Variants in POLR3B observed in about 807,000 individuals in gnomAD.
POLR3B encodes the protein DNA-directed RNA polymerase III subunit RPC2.
POLR3B carries 96 observed loss-of-function variants against 147.4 expected under a neutral mutation model. The ratio of observed to expected loss-of-function variants is 0.65; its 90% CI spans 0.55 to 0.77. The LOEUF is 0.77. Among genes scored for constraint, POLR3B ranks in the 30% least tolerant of loss-of-function variants. The pLI is 0.00. For missense variants in POLR3B, 1,036 were observed against 1,413.5 expected (o/e 0.73, Z 4.28); for synonymous variants, 461 against 485.9 (o/e 0.95, Z 0.67).
chr12:106,478,507 C>CT (rs950171693), intron 23 of POLR3B, among the ~76,000 whole-genome samples: 16 of 149,180 alleles, frequency 1.1e-4, no homozygotes, highest in Admixed American at 6.7e-5. Context: ...TGTCTTGCTA[C>CT]TTTTTTTTTT....
At chr12:106,466,075 T>TA (rs1408879427) in intron 23 of POLR3B, among the ~76,000 whole-genome samples, 4 of 152,208 alleles carry the variant, frequency 2.6e-5, no homozygotes, top group Non-Finnish European at 5.9e-5. Context: ...ACCAACAGTG[T>TA]AAAAGTGTTC....
chr12:106,414,105 C>A lies in POLR3B; in HGVS notation c.1101+3145C>A, dbSNP rs60745173. Among the ~76,000 whole-genome samples the A allele has an allele frequency of 9.6e-5, 8 of 83,706 alleles. No individual in the cohort carries two copies. In the South Asian group the frequency reaches 2.0e-3, roughly 21 times the overall value. 54.9% of individuals were successfully genotyped at this position (83,706 alleles called of 152,430 possible). A position where few individuals can be genotyped will look rare whatever the true frequency, so the allele number is the denominator to read the frequency against. Reference sequence around the variant, plus strand: ...ATTTTAGCATCTAGAATCTAATATGCCATTAATTATCAGGTGGACCACTAT... The same window carrying A: ...ATTTTAGCATCTAGAATCTAATATGACATTAATTATCAGGTGGACCACTAT... On this transcript the variant is annotated intron_variant, in intron 12 of 27. Transcript: ENST00000228347.
At chr12:106,460,755 CT>C (rs2037922411) in intron 22 of POLR3B, among the ~76,000 whole-genome samples, 1 of 152,144 alleles carries the variant, frequency 6.6e-6, no homozygotes. Context: ...TTTCAGAGAC[CT>C]TTTTCTGTCA....
At chr12:106,372,022 G>T (rs973749598) in intron 6 of POLR3B, among the ~76,000 whole-genome samples, 30 of 152,202 alleles carry the variant, frequency 2.0e-4, no homozygotes, top group South Asian at 1.9e-3. Context: ...ACTATGATAG[G>T]CAATGTTGTT....
chr12:106,459,031 G>A (rs1423986210), intron 21 of POLR3B, among the ~76,000 whole-genome samples: 1 of 149,924 alleles, frequency 6.7e-6, no homozygotes. Flanking sequence ...TATGATGTGT[G>A]TGTGTGTGTG....
intron 12 of POLR3B, among the ~76,000 whole-genome samples, chr12:106,417,079 A>G (rs3851633): frequency 6.6e-5 from 10 of 152,180 alleles, no homozygotes; most frequent in African/African-American, 2.4e-4. Context: ...CTAAATTAAC[A>G]TGTAATTCTT....
rs560419731 is a variant in POLR3B, at chr12:106,497,083, C to T, written c.2984+165C>T. Among the ~76,000 whole-genome samples, 9 of 148,820 alleles carry T rather than the reference C, an allele frequency of 6.0e-5. No individual in the cohort carries two copies. In the East Asian group the frequency reaches 1.2e-3, roughly 21 times the overall value. ...CTTCGAATGCGGTCTGACACAAATT[C>T]GTAAACTTTTTTTAAAAACATTATG... is the stretch of plus-strand genomic sequence containing the variant. On this transcript the variant is annotated intron_variant, in intron 25 of 27. Transcript: ENST00000228347.
intron 23 of POLR3B, among the ~76,000 whole-genome samples, chr12:106,484,792 G>T (rs1592768720): frequency 6.6e-6 from 1 of 152,058 alleles, no homozygotes; most frequent in African/African-American, 2.4e-5. Context: ...GCAAAAGTCT[G>T]GGAGGATTTA....
intron 6 of POLR3B, 88 bp from the exon 7 acceptor site, chr12:106,376,271 G>A (rs2036677206): frequency 7.3e-6 from 6 of 822,858 alleles, no homozygotes; most frequent in South Asian, 4.1e-5. Context: ...CCTTAGTGAG[G>A]TGGTGTGCAC....
intron 2 of POLR3B, among the ~76,000 whole-genome samples, chr12:106,364,804 G>A (rs756005048): frequency 2.9e-4 from 44 of 152,206 alleles, no homozygotes; most frequent in African/African-American, 9.9e-4. Flanking sequence ...CAACATGGAC[G>A]AATCTTGAAA....
intron 23 of POLR3B, among the ~76,000 whole-genome samples, chr12:106,481,103 G>C (rs1353873817): frequency 6.6e-6 from 1 of 152,216 alleles, no homozygotes; most frequent in Non-Finnish European, 1.5e-5. Context: ...AGGCCCCATA[G>C]CTGGAGCAGA....
intron 19 of POLR3B, among the ~76,000 whole-genome samples, chr12:106,453,795 C>T (rs898640140): frequency 6.6e-6 from 1 of 152,058 alleles, no homozygotes; most frequent in East Asian, 1.9e-4. Flanking sequence ...AACACCCATC[C>T]GAGGAACAAT....
In POLR3B at chr12:106,378,545, T is replaced by C. The variant is rs558836432; in HGVS notation, c.614+161T>C. ...AATTTATTATGAAAGTCTGGAAGCA[T>C]AGGGTACTGATTTTAAAATTTCAGT... On this transcript the variant is annotated intron_variant, in intron 8 of 27. Transcript: ENST00000228347. Among the ~76,000 whole-genome samples the C allele has an allele frequency of 1.8e-4, 27 of 152,336 alleles. No homozygotes were observed. The South Asian group carries it at 5.4e-3, about 30-fold the overall frequency.
chr12:106,372,105 A>G (rs978648966), intron 6 of POLR3B, among the ~76,000 whole-genome samples: 4 of 152,194 alleles, frequency 2.6e-5, no homozygotes, highest in Non-Finnish European at 4.4e-5. Context: ...TACCTAAATT[A>G]CATATATAAT....
intron 10 of POLR3B, among the ~76,000 whole-genome samples, chr12:106,397,427 C>G (rs910467763): frequency 4.6e-5 from 7 of 152,164 alleles, no homozygotes; most frequent in Admixed American, 1.3e-4. Context: ...TACCTCTACT[C>G]TCTGATTTTT....
intron 19 of POLR3B, among the ~76,000 whole-genome samples, chr12:106,446,475 A>G: frequency 6.6e-6 from 1 of 151,912 alleles, no homozygotes; most frequent in South Asian, 2.1e-4. Flanking sequence ...GAGTATCTGA[A>G]ACGTTTGGTT....
chr12:106,469,257 T>C (rs2038053286), intron 23 of POLR3B, among the ~76,000 whole-genome samples: 1 of 148,140 alleles, frequency 6.8e-6, no homozygotes, highest in Non-Finnish European at 1.5e-5. Context: ...GAGACCAGGA[T>C]TGCAACCCCT....
chr12:106,439,580 G>T (rs1357230814), intron 18 of POLR3B, among the ~76,000 whole-genome samples: 1 of 151,988 alleles, frequency 6.6e-6, no homozygotes, highest in Non-Finnish European at 1.5e-5. Flanking sequence ...AGGAGGTGGA[G>T]GCTCTGTGAG....
At chr12:106,412,425 A>G (rs1054607212) in intron 12 of POLR3B, among the ~76,000 whole-genome samples, 1 of 152,190 alleles carries the variant, frequency 6.6e-6, no homozygotes, top group African/African-American at 2.4e-5. Context: ...TTGGTTCTTC[A>G]ATCCAGTAAG....
Sources: allele counts gnomAD v4.1 joint callset (sites outside exome capture counted in the v4.1 genomes callset), GRCh38; gene constraint gnomAD v4.1.1; transcripts MANE v1.5; gene names NCBI Gene and HGNC (gene_info 2026-07-23, HGNC 2026-07-21).